Variants in DACH2 observed in about 807,000 individuals in gnomAD.
DACH2 encodes dachshund homolog 2.
In DACH2, 17 loss-of-function variants were observed where a neutral mutation model predicts 35.8. That is an observed-to-expected ratio of 0.48 (90% CI 0.33 to 0.71). The LOEUF (loss-of-function observed/expected upper bound fraction) is 0.71, where lower values mean the gene tolerates loss of function less well. Among genes scored for constraint, DACH2 ranks in the 30% least tolerant of loss-of-function variants. DACH2 has a pLI of 0.02. For synonymous variants in DACH2, 195 were observed against 177.3 expected (o/e 1.10, Z -0.79); for missense variants, 469 against 472.7 (o/e 0.99, Z 0.07).
At chrX:86,791,890 CTTGTGTTATGG>C (rs2042190207) in intron 7 of DACH2, among the ~76,000 whole-genome samples, 1 of 111,494 alleles carries the variant, frequency 9.0e-6, no homozygotes, top group Non-Finnish European at 1.9e-5. Context: ...CATAGATAAA[CTTGTGTTATGG>C]GGGTTTGTTT....
intron 2 of DACH2, among the ~76,000 whole-genome samples, chrX:86,468,360 A>T (rs1324300384): frequency 9.0e-6 from 1 of 111,213 alleles, no homozygotes; most frequent in Admixed American, 9.6e-5. Flanking sequence ...ATATATGAAT[A>T]TATATGTGAG....
Position 86,619,600 on chromosome X carries a change from A to G in DACH2, c.641-31436A>G, listed in dbSNP as rs1187900924. 7.1e-5 allele frequency among the ~76,000 whole-genome samples: 8 copies of G among 112,228 alleles called. No individual in the cohort carries two copies. The East Asian group carries it at 1.1e-3, about 16-fold the overall frequency. On this transcript the variant is annotated intron_variant, in intron 3 of 11. Transcript: ENST00000373125. ...TGAACTCTTGAGATTTCTTCAAGCCATAGATCTTGACTGACAGTGCTATTA... is the reference window on the plus strand; with the variant it reads ...TGAACTCTTGAGATTTCTTCAAGCCGTAGATCTTGACTGACAGTGCTATTA...
chrX:86,208,189 C>T (rs993306096), intron 1 of DACH2, among the ~76,000 whole-genome samples: 1 of 107,671 alleles, frequency 9.3e-6, no homozygotes, highest in Non-Finnish European at 1.9e-5. Context: ...GTTTCCTGAT[C>T]ACAAATAATA....
intron 1 of DACH2, among the ~76,000 whole-genome samples, chrX:86,166,150 T>C (rs1160986636): frequency 4.5e-5 from 5 of 111,194 alleles, no homozygotes; most frequent in Admixed American, 3.8e-4. Context: ...TGTAGGTTTG[T>C]GGATTTGTTT....
chrX:86,750,466 A>G (rs917755610), intron 7 of DACH2, among the ~76,000 whole-genome samples: 1 of 111,812 alleles, frequency 8.9e-6, no homozygotes, highest in African/African-American at 3.2e-5. Flanking sequence ...GAGACCTACC[A>G]TCTTACACAT....
At chrX:86,452,465 TG>T (rs1226162769) in intron 2 of DACH2, among the ~76,000 whole-genome samples, 3 of 111,518 alleles carry the variant, frequency 2.7e-5, no homozygotes, top group Non-Finnish European at 3.8e-5. Flanking sequence ...GGGCCTTTTT[TG>T]GTTGGTAGGC....
chrX:86,762,656 T>C (rs1028823344), intron 7 of DACH2, among the ~76,000 whole-genome samples: 4 of 112,036 alleles, frequency 3.6e-5, no homozygotes, highest in Non-Finnish European at 5.6e-5. Flanking sequence ...CTTTTTAATT[T>C]TTTTAATTTA....
At chrX:86,395,171 C>G (rs930952674) in intron 2 of DACH2, among the ~76,000 whole-genome samples, 13 of 111,111 alleles carry the variant, frequency 1.2e-4, no homozygotes, top group African/African-American at 3.9e-4. Context: ...TAATGATGAT[C>G]TCTAACATAT....
intron 1 of DACH2, among the ~76,000 whole-genome samples, chrX:86,184,739 T>C (rs1474696257): frequency 8.9e-6 from 1 of 111,959 alleles, no homozygotes; most frequent in East Asian, 2.8e-4. Flanking sequence ...AGATCTCTGA[T>C]TCAGTTACAC....
At chrX:86,693,297 C>T (rs1412219936) in intron 4 of DACH2, among the ~76,000 whole-genome samples, 1 of 112,193 alleles carries the variant, frequency 8.9e-6, no homozygotes, top group Non-Finnish European at 1.9e-5. Context: ...CTGCTAATTT[C>T]TTCCCACGTT....
At chrX:86,484,108 C>A (rs1372850883) in intron 2 of DACH2, among the ~76,000 whole-genome samples, 1 of 111,237 alleles carries the variant, frequency 9.0e-6, no homozygotes, top group Non-Finnish European at 1.9e-5. Flanking sequence ...CTTTGTCTGG[C>A]TTTGCTGAAG....
chrX:86,601,101 C>A (rs2039783582), intron 3 of DACH2, among the ~76,000 whole-genome samples: 1 of 110,776 alleles, frequency 9.0e-6, no homozygotes. Flanking sequence ...TTAAAGGGGG[C>A]TTTCTATATT....
intron 3 of DACH2, among the ~76,000 whole-genome samples, chrX:86,633,720 G>A (rs990837983): frequency 9.0e-6 from 1 of 111,326 alleles, no homozygotes; most frequent in African/African-American, 3.3e-5. Flanking sequence ...TAAAATACTA[G>A]CAAACCAAAT....
chrX:86,719,932 C>CTTTTTTTTTTTTTTTTTTTTT (rs57079697), intron 6 of DACH2, among the ~76,000 whole-genome samples: 1 of 75,587 alleles, frequency 1.3e-5, no homozygotes, highest in Non-Finnish European at 2.4e-5. Context: ...TTTCTTTTTT[C>CTTTTTTTTTTTTTTTTTTTTT]TTTTTTTTTT....
intron 3 of DACH2, among the ~76,000 whole-genome samples, chrX:86,533,283 A>C (rs2038750711): frequency 9.0e-6 from 1 of 111,396 alleles, no homozygotes; most frequent in African/African-American, 3.3e-5. Flanking sequence ...TGACTCCCCA[A>C]ATTATTTTAC....
chrX:86,730,691 C>T (rs999093327), intron 6 of DACH2, among the ~76,000 whole-genome samples: 4 of 111,304 alleles, frequency 3.6e-5, no homozygotes, highest in African/African-American at 1.3e-4. Flanking sequence ...ATATAATTCT[C>T]GATTAAGTAT....
chrX:86,204,302 C>A (rs888181917), intron 1 of DACH2, among the ~76,000 whole-genome samples: 1 of 111,971 alleles, frequency 8.9e-6, no homozygotes, highest in Non-Finnish European at 1.9e-5. Context: ...GGTGGAAAGA[C>A]ATGTTTTAAA....
At chrX:86,608,296 G>C (rs963838484) in intron 3 of DACH2, among the ~76,000 whole-genome samples, 1 of 111,563 alleles carries the variant, frequency 9.0e-6, no homozygotes, top group Non-Finnish European at 1.9e-5. Flanking sequence ...TGGAGAAATA[G>C]GAACACTTTT....
At chrX:86,720,244 C>T (rs1200804870) in intron 6 of DACH2, among the ~76,000 whole-genome samples, 1 of 110,574 alleles carries the variant, frequency 9.0e-6, no homozygotes, top group African/African-American at 3.3e-5. Flanking sequence ...GCCTAGTCCC[C>T]ACAAATGTTA....
Sources: gnomAD v4.1 joint callset for allele counts (sites outside exome capture counted in the v4.1 genomes callset) on GRCh38, gnomAD v4.1.1 for gene constraint, MANE v1.5 for transcripts, NCBI Gene and HGNC (gene_info 2026-07-23, HGNC 2026-07-21) for gene names.